The following WDR11 variants were observed in gnomAD, a reference collection of about 807,000 sequenced individuals.
WDR11 encodes WD repeat-containing protein 11.
WDR11 carries 83 observed loss-of-function variants against 151.2 expected under a neutral mutation model. That is an observed-to-expected ratio of 0.55 (90% CI 0.46 to 0.66). The LOEUF is 0.66. WDR11 is among the 30% of genes least tolerant of loss of function. WDR11 has a pLI of 0.00. For synonymous variants in WDR11, 484 were observed against 533.1 expected, an observed-to-expected ratio of 0.91 and a Z score of 1.27; for missense variants, 1,301 against 1,480.9, an observed-to-expected ratio of 0.88 and a Z score of 1.99.
At chr10:120,854,627 T>C (rs531169848) in intron 2 of WDR11, among the ~76,000 whole-genome samples, 1 of 152,164 alleles carries the variant, frequency 6.6e-6, no homozygotes, top group African/African-American at 2.4e-5. Context: ...GTATGAGGAG[T>C]CTAATTTGTC....
intron 4 of WDR11, among the ~76,000 whole-genome samples, chr10:120,861,796 T>G (rs1458701647): frequency 2.0e-5 from 3 of 152,142 alleles, no homozygotes; most frequent in Non-Finnish European, 4.4e-5. Flanking sequence ...AGGGAGATTA[T>G]TTTTTCAGTC....
At position 120,874,186 on chromosome 10, in the gene WDR11, T is replaced by TTTG. The variant is rs1554854826; in HGVS notation, c.1556+265_1556+266insGTT. On this transcript the variant is annotated intron_variant, in intron 11 of 28. Coordinates refer to ENST00000263461, the MANE Select transcript of WDR11 (RefSeq NM_018117.12). ...ATTGCGGTTTTTGCAGTTTTTTTTT[T>TTTG]TTTTTTGTTGTTGTTGTTGTTGTTT... is the stretch of plus-strand genomic sequence containing the variant. Among the ~76,000 whole-genome samples, 433 of 96,948 alleles carry TTTG rather than the reference T, an allele frequency of 4.5e-3. 7 individuals are homozygous for TTTG. Among genetic ancestry groups the TTTG allele is most frequent in the Middle Eastern group, 9.2e-3 (2 of 218 alleles). 63.6% of individuals were successfully genotyped at this position (96,948 alleles called of 152,430 possible). A position where few individuals can be genotyped will look rare whatever the true frequency, so the allele number is the denominator to read the frequency against.
At position 120,908,829 on chromosome 10, in the gene WDR11, T is replaced by C; in HGVS notation, c.*116T>C. 1 of 1,154,134 alleles carries C rather than the reference T, an allele frequency of 8.7e-7. No individual in the cohort carries two copies. Among genetic ancestry groups the C allele is most frequent in the Non-Finnish European group, 1.3e-6 (1 of 783,888 alleles). 71.5% of individuals were successfully genotyped at this position (1,154,134 alleles called of 1,614,324 possible). On this transcript the variant is annotated 3_prime_UTR_variant, in exon 29 of 29. Transcript: ENST00000263461. ...GGAGTACAGGGTCCTGTGAGCTGTTTGACCACTGTTCTAAGACTATGTGTG... is the reference window on the plus strand; with the variant it reads ...GGAGTACAGGGTCCTGTGAGCTGTTCGACCACTGTTCTAAGACTATGTGTG...
intron 2 of WDR11, among the ~76,000 whole-genome samples, chr10:120,858,178 A>T (rs1564937544): frequency 6.6e-6 from 1 of 151,814 alleles, no homozygotes; most frequent in Non-Finnish European, 1.5e-5. Flanking sequence ...TGAAAGAGAG[A>T]GACAGCTAGA....
At position 120,890,766 on chromosome 10, in the gene WDR11, A is replaced by G. The variant is rs1487809528; in HGVS notation, c.2394A>G (p.Ile798Met). The G allele has an allele frequency of 6.2e-7, 1 of 1,614,168 alleles. No homozygotes were observed. Among genetic ancestry groups the G allele is most frequent in the Non-Finnish European group, 8.5e-7 (1 of 1,180,038 alleles). Residue 798 changes from isoleucine (I) to methionine (M), a missense_variant, in exon 19 of 29, where the codon ATA becomes ATG. Ile to Met is a conservative substitution (Grantham distance 10). Transcript: ENST00000263461. ...GTGGCAGAAATGTGACCTTTCGTAT[A>G]TTGGATGTGGACTGGTGTACGTCAG... ...LRSGRNVTFR[I>M]LDVDWCTSDK...
chr10:120,865,700 G>C lies in WDR11; in HGVS notation c.950G>C (p.Arg317Pro). Residue 317 changes from arginine to proline, a missense_variant, in exon 7 of 29, where the codon CGA (arginine) becomes CCA (proline). By Grantham distance (103) the Arg-to-Pro change is moderately radical (BLOSUM62 -2). Coordinates refer to ENST00000263461, the MANE Select transcript of WDR11 (RefSeq NM_018117.12). ...AATGGTTGTATAACTTTACGTGTTC[G>C]AAGATCTTATAATAACATTTTTACC... is the stretch of plus-strand genomic sequence containing the variant. ...HENGCITLRV[R>P]RSYNNIFTTS... 1 of 1,610,734 alleles carries C rather than the reference G, an allele frequency of 6.2e-7. No homozygotes were observed. Among genetic ancestry groups the C allele is most frequent in the Non-Finnish European group, 8.5e-7 (1 of 1,178,994 alleles).
At chr10:120,889,547 G>T (rs944695935) in intron 17 of WDR11, 2 of 404,070 alleles carry the variant, frequency 4.9e-6, no homozygotes, top group Non-Finnish European at 9.2e-6. Context: ...GCCAAAAAAT[G>T]ACATCTTGAT....
Position 120,865,192 on chromosome 10 carries a change from A to G in WDR11, c.859A>G (p.Thr287Ala), listed in dbSNP as rs1260933034. ...QTVGVIAIERTGVPFLQVIPC... is the reference protein window; with the variant it reads ...QTVGVIAIERAGVPFLQVIPC... ...GGTGGGTGTGATTGCAATAGAACGCACAGGAGTTCCATTTTTACAGGTATC... is the reference window on the plus strand; with the variant it reads ...GGTGGGTGTGATTGCAATAGAACGCGCAGGAGTTCCATTTTTACAGGTATC... Residue 287 changes from threonine (T) to alanine (A), a missense_variant, in exon 6 of 29, where the codon ACA (threonine) becomes GCA (alanine). This residue lies in a region of WDR11 where 692 missense variants were observed against 762.5 expected (regional missense o/e 0.91). Coordinates refer to ENST00000263461, the MANE Select transcript of WDR11 (RefSeq NM_018117.12). 6.2e-7 allele frequency: 1 copy of G among 1,613,924 alleles called. No homozygotes were observed. The highest frequency in any genetic ancestry group is 1.3e-5 in the African/African-American group (1 of 75,058).
chr10:120,873,276 T>A (rs563078431), intron 10 of WDR11, among the ~76,000 whole-genome samples: 1 of 152,194 alleles, frequency 6.6e-6, no homozygotes, highest in Non-Finnish European at 1.5e-5. Flanking sequence ...ACAGATTTAG[T>A]GTGGGCAAGT....
At chr10:120,856,747 C>T (rs982315561) in intron 2 of WDR11, among the ~76,000 whole-genome samples, 3 of 151,544 alleles carry the variant, frequency 2.0e-5, no homozygotes, top group African/African-American at 7.3e-5. Flanking sequence ...ATATATATGG[C>T]TTGGAGTTTA....
chr10:120,865,310 C>G, intron 6 of WDR11, 98 bp downstream of exon 6: 1 of 1,242,830 alleles, frequency 8.0e-7, no homozygotes, highest in Non-Finnish European at 1.2e-6. Flanking sequence ...CAGTTCTCCA[C>G]TTTCTCTTTT....
At chr10:120,880,969 T>G (rs1270134605) in intron 13 of WDR11, 68 bp downstream of exon 13, 1 of 1,413,606 alleles carries the variant, frequency 7.1e-7, no homozygotes, top group Non-Finnish European at 9.8e-7. Context: ...TTTTTAATCT[T>G]TAAGAAAATG....
In WDR11 at chr10:120,881,905, GAGCTGACAT is replaced by G. The variant is rs555762657; in HGVS notation, c.1739+1005_1739+1013del. Among the ~76,000 whole-genome samples the G allele has an allele frequency of 3.3e-3, 499 of 152,030 alleles. 3 individuals carry two copies. The highest frequency in any genetic ancestry group is 0.011 in the African/African-American group (476 of 41,506). On this transcript the variant is annotated intron_variant, in intron 13 of 28. Coordinates refer to ENST00000263461, the MANE Select transcript of WDR11 (RefSeq NM_018117.12). ...TGATTAGAACTGAGATGTCAGCTAC[GAGCTGACAT>G]CTTTGCTCTGATCCTGGACCTTATG...
chr10:120,888,509 G>A (rs557048918), intron 16 of WDR11, among the ~76,000 whole-genome samples: 2 of 152,282 alleles, frequency 1.3e-5, no homozygotes, highest in South Asian at 4.1e-4. Context: ...TTCTTATGTT[G>A]TGCTTCTATA....
At chr10:120,876,213 C>G (rs1456251518) in intron 11 of WDR11, among the ~76,000 whole-genome samples, 2 of 151,980 alleles carry the variant, frequency 1.3e-5, no homozygotes, top group Non-Finnish European at 2.9e-5. Context: ...TTCCTGACCT[C>G]AGATGATCTA....
intron 19 of WDR11, among the ~76,000 whole-genome samples, chr10:120,896,038 A>C (rs1017670576): frequency 2.6e-5 from 4 of 152,222 alleles, no homozygotes; most frequent in Non-Finnish European, 5.9e-5. Context: ...CAAAATTTTG[A>C]AAAAAGCCGA....
chr10:120,866,854 G>A, intron 8 of WDR11, 90 bp downstream of exon 8: 1 of 1,413,764 alleles, frequency 7.1e-7, no homozygotes, highest in Non-Finnish European at 9.8e-7. Context: ...AGGAGGGCTG[G>A]TTTTCTATAA....
At chr10:120,888,314 C>T (rs1248375319) in intron 16 of WDR11, among the ~76,000 whole-genome samples, 2 of 152,160 alleles carry the variant, frequency 1.3e-5, no homozygotes, top group African/African-American at 2.4e-5. Flanking sequence ...GACAATAAAT[C>T]CAAGACAGAA....
At chr10:120,882,668 G>A (rs2133778379) in intron 13 of WDR11, among the ~76,000 whole-genome samples, 1 of 151,534 alleles carries the variant, frequency 6.6e-6, no homozygotes, top group South Asian at 2.1e-4. Context: ...ATTGAAATAA[G>A]CTTGTTCATC....
Sources: gnomAD v4.1 joint callset for allele counts (sites outside exome capture counted in the v4.1 genomes callset) on GRCh38, gnomAD v4.1.1 for gene constraint, gnomAD v4.1.1 regional missense constraint, MANE v1.5 for transcripts, NCBI Gene and HGNC (gene_info 2026-07-23, HGNC 2026-07-21) for gene names.